The following DCC variants were observed in gnomAD, a reference collection of about 807,000 sequenced individuals.
The protein encoded by DCC is DCC netrin 1 receptor, also known as netrin receptor DCC.
A neutral mutation model predicts 172.5 loss-of-function variants in DCC; 58 were observed. The ratio of observed to expected loss-of-function variants is 0.34; its 90% CI spans 0.27 to 0.42. The LOEUF is 0.42. Ranked by LOEUF, DCC falls within the 10% of genes least tolerant of loss-of-function variation. The probability of loss-of-function intolerance (pLI) is 1.00; values close to 1 mark genes in which losing one functional copy is unlikely to be tolerated. For missense variants in DCC, 1,740 were observed against 1,791.0 expected, an observed-to-expected ratio of 0.97 and a Z score of 0.51; for synonymous variants, 709 against 644.5, an observed-to-expected ratio of 1.10 and a Z score of -1.52.
At position 53,532,231 on chromosome 18, in the gene DCC, C is replaced by T. The variant is rs1402717126; in HGVS notation, c.*1578C>T. The T allele has an allele frequency of 6.6e-6, 1 of 152,094 alleles. No homozygotes were observed. The highest frequency in any genetic ancestry group is 1.5e-5 in the Non-Finnish European group (1 of 68,012). The allele number at this position is 152,094 out of a possible 1,614,324, so 9.4% of individuals were successfully genotyped here. A position where few individuals can be genotyped will look rare whatever the true frequency, so the allele number is the denominator to read the frequency against. On this transcript the variant is annotated 3_prime_UTR_variant, in exon 29 of 29. Transcript: ENST00000442544. ...ATAGGATCTTTACAACCTAATAGCT[C>T]CTTTTATTAGGTGGGTAATTATATA...
intron 6 of DCC, among the ~76,000 whole-genome samples, chr18:53,064,894 C>T (rs1394310709): frequency 6.6e-6 from 1 of 152,096 alleles, no homozygotes; most frequent in Admixed American, 6.6e-5. Flanking sequence ...TTTTTCAGTG[C>T]CCTTAAGGAC....
At chr18:52,523,542 GT>G (rs1347167715) in intron 1 of DCC, among the ~76,000 whole-genome samples, 4 of 152,080 alleles carry the variant, frequency 2.6e-5, no homozygotes, top group Admixed American at 2.6e-4. Flanking sequence ...TCCATTAGAA[GT>G]TTAAATGTCT....
chr18:52,666,070 C>G (rs2035454464), intron 1 of DCC, among the ~76,000 whole-genome samples: 1 of 152,114 alleles, frequency 6.6e-6, no homozygotes, highest in Non-Finnish European at 1.5e-5. Context: ...AGGCAGATCA[C>G]CAGGTCAGGA....
chr18:52,464,598 C>T (rs1988729409), intron 1 of DCC, among the ~76,000 whole-genome samples: 1 of 152,276 alleles, frequency 6.6e-6, no homozygotes, highest in African/African-American at 2.4e-5. Flanking sequence ...GGTGAAAATG[C>T]AGGTTCCCCA....
At chr18:52,427,651 G>C (rs1021176194) in intron 1 of DCC, among the ~76,000 whole-genome samples, 1 of 151,936 alleles carries the variant, frequency 6.6e-6, no homozygotes, top group African/African-American at 2.4e-5. Flanking sequence ...GTACCTATAA[G>C]GCCCCCTGAA....
chr18:53,524,836 C>T (rs1039245441), intron 27 of DCC, among the ~76,000 whole-genome samples: 2 of 151,966 alleles, frequency 1.3e-5, no homozygotes, highest in South Asian at 2.1e-4. Flanking sequence ...ATTCTTACAC[C>T]GCCTGCCCAT....
At chr18:52,804,384 C>A (rs1057148885) in intron 2 of DCC, among the ~76,000 whole-genome samples, 1 of 152,184 alleles carries the variant, frequency 6.6e-6, no homozygotes, top group African/African-American at 2.4e-5. Flanking sequence ...TGACCAAAAT[C>A]TGTTGTTCTT....
At chr18:53,042,272 T>G (rs1361607468) in intron 5 of DCC, among the ~76,000 whole-genome samples, 1 of 152,054 alleles carries the variant, frequency 6.6e-6, no homozygotes, top group East Asian at 1.9e-4. Context: ...TCATGTGGTT[T>G]TTGTTATTGG....
At chr18:52,843,090 G>A (rs945541933) in intron 2 of DCC, among the ~76,000 whole-genome samples, 1 of 152,176 alleles carries the variant, frequency 6.6e-6, no homozygotes, top group Non-Finnish European at 1.5e-5. Context: ...AGCCTTTACT[G>A]TATGGATAGT....
At chr18:53,253,065 A>G (rs1278710154) in intron 12 of DCC, among the ~76,000 whole-genome samples, 1 of 151,954 alleles carries the variant, frequency 6.6e-6, no homozygotes, top group Non-Finnish European at 1.5e-5. Context: ...ATATCATTGT[A>G]TGTCAGAATA....
intron 1 of DCC, among the ~76,000 whole-genome samples, chr18:52,593,542 A>C (rs2033846673): frequency 6.6e-6 from 1 of 152,138 alleles, no homozygotes; most frequent in African/African-American, 2.4e-5. Context: ...ATTTTTTAAA[A>C]CCGTGATTAA....
At chr18:53,199,750 G>A (rs2144534096) in intron 9 of DCC, among the ~76,000 whole-genome samples, 1 of 152,142 alleles carries the variant, frequency 6.6e-6, no homozygotes, top group East Asian at 1.9e-4. Flanking sequence ...CAGGAATGCA[G>A]TAAACACATA....
chr18:52,874,373 G>C (rs1296643745), intron 2 of DCC, among the ~76,000 whole-genome samples: 4 of 152,126 alleles, frequency 2.6e-5, no homozygotes, highest in African/African-American at 9.7e-5. Context: ...TAATTAAGCT[G>C]TCATACGGAC....
At chr18:53,406,629 G>A (rs1485253510) in intron 19 of DCC, among the ~76,000 whole-genome samples, 2 of 151,158 alleles carry the variant, frequency 1.3e-5, no homozygotes, top group Non-Finnish European at 3.0e-5. Flanking sequence ...GCTTGAACCC[G>A]GGAGGCGGGT....
chr18:53,437,513 G>A (rs951300058), intron 22 of DCC, among the ~76,000 whole-genome samples: 1 of 142,332 alleles, frequency 7.0e-6, no homozygotes, highest in Non-Finnish European at 1.5e-5. Context: ...AACCCAGGAG[G>A]CAGAGGTTGC....
At chr18:52,422,118 A>T (rs1426448755) in intron 1 of DCC, among the ~76,000 whole-genome samples, 1 of 152,150 alleles carries the variant, frequency 6.6e-6, no homozygotes, top group Non-Finnish European at 1.5e-5. Context: ...TTTAATCTTA[A>T]TTTTTTTAAG....
chr18:53,042,295 G>A (rs1400956581), intron 5 of DCC, among the ~76,000 whole-genome samples: 1 of 152,030 alleles, frequency 6.6e-6, no homozygotes, highest in African/African-American at 2.4e-5. Context: ...CTGTTTATGT[G>A]ATGGATTATG....
intron 12 of DCC, among the ~76,000 whole-genome samples, chr18:53,277,276 C>A (rs1322666473): frequency 6.6e-6 from 1 of 152,094 alleles, no homozygotes; most frequent in Non-Finnish European, 1.5e-5. Flanking sequence ...TCAAGACCAA[C>A]CTGGCCAACA....
chr18:53,503,729 A>C (rs1161008253), intron 27 of DCC, among the ~76,000 whole-genome samples: 1 of 152,158 alleles, frequency 6.6e-6, no homozygotes, highest in Non-Finnish European at 1.5e-5. Flanking sequence ...TGTAATTCTA[A>C]AGGGAAAGAA....
Sources: allele counts gnomAD v4.1 joint callset (sites outside exome capture counted in the v4.1 genomes callset), GRCh38; gene constraint gnomAD v4.1.1; transcripts MANE v1.5; gene names NCBI Gene and HGNC (gene_info 2026-07-23, HGNC 2026-07-21).